Variants in NMNAT2 observed in about 807,000 individuals in gnomAD.
The protein encoded by NMNAT2 is nicotinamide nucleotide adenylyltransferase 2, also known as nicotinamide/nicotinic acid mononucleotide adenylyltransferase 2.
A neutral mutation model predicts 41.6 loss-of-function variants in NMNAT2; 11 were observed. That is an observed-to-expected ratio of 0.26 (90% CI 0.17 to 0.44). NMNAT2 has a LOEUF of 0.44. NMNAT2 is among the 20% of genes least tolerant of loss of function. NMNAT2 has a pLI of 1.00. For synonymous variants in NMNAT2, 148 were observed against 151.2 expected, an observed-to-expected ratio of 0.98 and a Z score of 0.16; for missense variants, 288 against 407.7, an observed-to-expected ratio of 0.71 and a Z score of 2.53.
intron 1 of NMNAT2, among the ~76,000 whole-genome samples, chr1:183,333,418 G>A (rs1255771893): frequency 6.6e-6 from 1 of 152,214 alleles, no homozygotes; most frequent in Non-Finnish European, 1.5e-5. Flanking sequence ...CTTCAAATGG[G>A]AAGATAATCC....
At chr1:183,271,213 A>G (rs1242696805) in intron 8 of NMNAT2, among the ~76,000 whole-genome samples, 1 of 152,226 alleles carries the variant, frequency 6.6e-6, no homozygotes, top group Non-Finnish European at 1.5e-5. Context: ...AGCAGCTAAT[A>G]CATGTAATCA....
intron 10 of NMNAT2, among the ~76,000 whole-genome samples, chr1:183,255,456 G>A (rs1203893260): frequency 6.6e-6 from 1 of 152,060 alleles, no homozygotes; most frequent in African/African-American, 2.4e-5. Flanking sequence ...AAGTATGAAT[G>A]CTGCCATTGG....
chr1:183,389,796 G>T (rs527814406), intron 1 of NMNAT2, among the ~76,000 whole-genome samples: 16 of 64,492 alleles, frequency 2.5e-4, no homozygotes, highest in Non-Finnish European at 3.5e-4. Context: ...AAGAAAGAAA[G>T]AAAGAAAGAA....
At chr1:183,265,527 A>G (rs1660791146) in intron 8 of NMNAT2, among the ~76,000 whole-genome samples, 1 of 151,896 alleles carries the variant, frequency 6.6e-6, no homozygotes, top group Non-Finnish European at 1.5e-5. Flanking sequence ...GGCCTCCCAA[A>G]GTGCTGGGAT....
intron 1 of NMNAT2, among the ~76,000 whole-genome samples, chr1:183,412,247 G>A (rs550403380): frequency 8.9e-4 from 135 of 152,282 alleles, no homozygotes; most frequent in Admixed American, 1.3e-3. Flanking sequence ...TTATTGAGAC[G>A]GAGTCTCGCT....
At position 183,299,725 on chromosome 1, in the gene NMNAT2, G is replaced by A. The variant is rs147733504; in HGVS notation, c.86-5932C>T. ...CAGGGGTTAGGGATGGTGGGTCAGG[G>A]AAAGGGGTGGGTATGACTGTAAAGC... On this transcript the variant is annotated intron_variant, in intron 1 of 10. Coordinates refer to ENST00000287713, the MANE Select transcript of NMNAT2 (RefSeq NM_015039.4). Among the ~76,000 whole-genome samples, 131 of 152,188 alleles carry A rather than the reference G, an allele frequency of 8.6e-4. 3 individuals are homozygous for A. The East Asian group carries it at 0.024, about 28-fold the overall frequency.
At chr1:183,385,069 T>TA (rs1327972840) in intron 1 of NMNAT2, among the ~76,000 whole-genome samples, 16 of 150,750 alleles carry the variant, frequency 1.1e-4, no homozygotes, top group Non-Finnish European at 3.0e-5. Flanking sequence ...AATTAAAAAT[T>TA]AAAAAAAAAT....
At chr1:183,257,323 C>G (rs1257575257) in intron 10 of NMNAT2, among the ~76,000 whole-genome samples, 2 of 152,064 alleles carry the variant, frequency 1.3e-5, no homozygotes, top group Middle Eastern at 3.4e-3. Context: ...CACCTGTAAT[C>G]CCAGCTACTT....
chr1:183,407,756 T>C (rs886346147), intron 1 of NMNAT2, among the ~76,000 whole-genome samples: 1 of 152,218 alleles, frequency 6.6e-6, no homozygotes, highest in Non-Finnish European at 1.5e-5. Flanking sequence ...TAGATATGAC[T>C]GCAAGAGCAC....
intron 1 of NMNAT2, among the ~76,000 whole-genome samples, chr1:183,390,723 A>G (rs1307043895): frequency 6.6e-6 from 1 of 152,178 alleles, no homozygotes; most frequent in Non-Finnish European, 1.5e-5. Context: ...AGAAACAAGT[A>G]ATTCCTCTTT....
At position 183,250,363 on chromosome 1, in the gene NMNAT2, C is replaced by A. The variant is rs1417334333; in HGVS notation, c.*2278G>T. The A allele has an allele frequency of 6.6e-6, 1 of 152,232 alleles. No homozygotes were observed. The highest frequency in any genetic ancestry group is 2.4e-5 in the African/African-American group (1 of 41,442). 9.4% of individuals were successfully genotyped at this position (152,232 alleles called of 1,614,324 possible). A position where few individuals can be genotyped will look rare whatever the true frequency, so the allele number is the denominator to read the frequency against. On this transcript the variant is annotated 3_prime_UTR_variant, in exon 11 of 11. Transcript: ENST00000287713. ...CTCTTTATTTCTAAAGGAAACCTAACAGTGGCCTTCCTTACTATCACACCC... is the reference window on the plus strand; with the variant it reads ...CTCTTTATTTCTAAAGGAAACCTAAAAGTGGCCTTCCTTACTATCACACCC...
At chr1:183,289,532 GA>G (rs1170617195) in intron 4 of NMNAT2, among the ~76,000 whole-genome samples, 2 of 151,764 alleles carry the variant, frequency 1.3e-5, no homozygotes, top group African/African-American at 4.9e-5. Flanking sequence ...TGTGTGCTCA[GA>G]TATGTGGACT....
chr1:183,261,136 C>T (rs1406133176), intron 9 of NMNAT2, 66 bp downstream of exon 9: 5 of 1,601,318 alleles, frequency 3.1e-6, no homozygotes, highest in Non-Finnish European at 1.7e-6. Context: ...TCTCTCACTC[C>T]TCCAGCTGCC....
intron 1 of NMNAT2, among the ~76,000 whole-genome samples, chr1:183,386,310 T>C (rs1266121709): frequency 6.6e-6 from 1 of 152,068 alleles, no homozygotes; most frequent in African/African-American, 2.4e-5. Context: ...AAAAAATCCC[T>C]CAGGAAAGAC....
At chr1:183,279,702 G>A (rs186426540) in intron 7 of NMNAT2, among the ~76,000 whole-genome samples, 182 of 152,296 alleles carry the variant, frequency 1.2e-3, no homozygotes, top group Non-Finnish European at 1.9e-3. Context: ...CCTGAAGCAG[G>A]GGGGAGGCTA....
At chr1:183,342,489 T>C (rs1169828979) in intron 1 of NMNAT2, among the ~76,000 whole-genome samples, 5 of 152,194 alleles carry the variant, frequency 3.3e-5, no homozygotes, top group African/African-American at 1.2e-4. Flanking sequence ...ATTAAGACTT[T>C]TCTAAGAAGG....
At chr1:183,389,858 GAAAGAAAGAAA>G (rs1648415267) in intron 1 of NMNAT2, among the ~76,000 whole-genome samples, 5 of 69,690 alleles carry the variant, frequency 7.2e-5, no homozygotes, top group African/African-American at 2.5e-4. Flanking sequence ...AAAAGAGAAA[GAAAGAAAGAAA>G]GAAGGGAGGG....
chr1:183,322,920 C>T (rs1419541147), intron 1 of NMNAT2, among the ~76,000 whole-genome samples: 1 of 152,104 alleles, frequency 6.6e-6, no homozygotes, highest in Non-Finnish European at 1.5e-5. Context: ...ACAAACATCT[C>T]AATACACATA....
chr1:183,331,825 T>C (rs1002676359), intron 1 of NMNAT2, among the ~76,000 whole-genome samples: 2 of 152,220 alleles, frequency 1.3e-5, no homozygotes, highest in African/African-American at 2.4e-5. Flanking sequence ...TCTCACTCTG[T>C]CACCCAGGCT....
Sources: allele counts gnomAD v4.1 joint callset (sites outside exome capture counted in the v4.1 genomes callset), GRCh38; gene constraint gnomAD v4.1.1; transcripts MANE v1.5; gene names NCBI Gene and HGNC (gene_info 2026-07-23, HGNC 2026-07-21).